The following HPD variants were observed in gnomAD, a reference collection of about 807,000 sequenced individuals.
HPD encodes the protein 4-hydroxyphenylpyruvic acid oxidase.
A neutral mutation model predicts 56.9 loss-of-function variants in HPD; 35 were observed. The ratio of observed to expected loss-of-function variants is 0.62; its 90% confidence interval spans 0.47 to 0.82. The LOEUF (loss-of-function observed/expected upper bound fraction) is 0.82, where lower values mean the gene tolerates loss of function less well. Among genes scored for constraint, HPD ranks in the 40% least tolerant of loss-of-function variants. The pLI is 0.00. For missense variants in HPD, 442 were observed against 506.8 expected (o/e 0.87, Z 1.23); for synonymous variants, 186 against 200.2 (o/e 0.93, Z 0.60).
the HPD span, among the ~76,000 whole-genome samples, chr12:121,870,856 A>G: frequency 1.3e-5 from 2 of 151,982 alleles, no homozygotes; most frequent in African/African-American, 4.8e-5. Flanking sequence ...TCGGTCTCCC[A>G]AAGTGCTGGG....
intron 11 of HPD, among the ~76,000 whole-genome samples, chr12:121,846,620 G>A (rs1347785451): frequency 1.3e-5 from 2 of 152,142 alleles, no homozygotes; most frequent in Non-Finnish European, 2.9e-5. Flanking sequence ...CCATCACCCA[G>A]GCTTCCTGAT....
chr12:121,860,230 A>G (rs1878139076), upstream of HPD, among the ~76,000 whole-genome samples: 1 of 152,134 alleles, frequency 6.6e-6, no homozygotes, highest in African/African-American at 2.4e-5. Flanking sequence ...CAGGCCCAGA[A>G]GGTTCCCATG....
chr12:121,888,403 T>G, the HPD span, among the ~76,000 whole-genome samples: 5 of 152,184 alleles, frequency 3.3e-5, no homozygotes, highest in African/African-American at 1.2e-4. Flanking sequence ...ATATCGGATC[T>G]GTAAAGTGAG....
At chr12:121,886,249 C>T in the HPD span, among the ~76,000 whole-genome samples, 1 of 151,470 alleles carries the variant, frequency 6.6e-6, no homozygotes, top group African/African-American at 2.4e-5. Flanking sequence ...GCTGGGACTA[C>T]AGGCACGTGC....
upstream of HPD, among the ~76,000 whole-genome samples, chr12:121,867,723 C>T (rs943074793): frequency 7.9e-5 from 12 of 152,062 alleles, no homozygotes; most frequent in South Asian, 8.3e-4. Context: ...CATGTTGGCT[C>T]GGCTGGTCTC....
chr12:121,867,450 G>A (rs547345597), upstream of HPD, among the ~76,000 whole-genome samples: 5 of 151,212 alleles, frequency 3.3e-5, no homozygotes, highest in Non-Finnish European at 7.4e-5. Context: ...TTTAGACAAG[G>A]TCTCACTCAT....
At chr12:121,860,272 C>T (rs1248917681), upstream of HPD, among the ~76,000 whole-genome samples, 1 of 152,164 alleles carries the variant, frequency 6.6e-6, no homozygotes, top group Admixed American at 6.6e-5. Flanking sequence ...CCTGCCTATC[C>T]CCTCCAGGCC....
chr12:121,853,288 A>G (rs1262359766), intron 7 of HPD, among the ~76,000 whole-genome samples: 3 of 152,126 alleles, frequency 2.0e-5, no homozygotes, highest in African/African-American at 4.8e-5. Context: ...GCGTTTACCT[A>G]TGTAACAAAC....
chr12:121,840,775 A>G (rs1056055981), intron 12 of HPD, among the ~76,000 whole-genome samples: 3 of 142,750 alleles, frequency 2.1e-5, no homozygotes, highest in East Asian at 4.0e-4. Context: ...AATACGGATT[A>G]AAAAAAAAAA....
chr12:121,881,761 C>T, the HPD span, among the ~76,000 whole-genome samples: 3 of 150,684 alleles, frequency 2.0e-5, no homozygotes, highest in African/African-American at 7.3e-5. Flanking sequence ...ATTCTCCTGC[C>T]TCAGCCTCCC....
At chr12:121,862,773 A>G (rs1286589727), upstream of HPD, among the ~76,000 whole-genome samples, 1 of 135,052 alleles carries the variant, frequency 7.4e-6, no homozygotes, top group Non-Finnish European at 1.5e-5. Flanking sequence ...CTCCACCTCC[A>G]AGGTTCACGC....
At chr12:121,853,977 C>G (rs1877903046) in intron 7 of HPD, among the ~76,000 whole-genome samples, 1 of 151,350 alleles carries the variant, frequency 6.6e-6, no homozygotes, top group African/African-American at 2.4e-5. Context: ...AGGCCGGGCA[C>G]AGTGGCCCAC....
At chr12:121,867,107 T>C (rs1172711599), upstream of HPD, among the ~76,000 whole-genome samples, 1 of 152,090 alleles carries the variant, frequency 6.6e-6, no homozygotes, top group African/African-American at 2.4e-5. Context: ...TCCCAGCACT[T>C]TGGGAGGCGG....
intron 7 of HPD, among the ~76,000 whole-genome samples, chr12:121,852,312 A>G (rs1877819235): frequency 6.6e-6 from 1 of 151,690 alleles, no homozygotes; most frequent in African/African-American, 2.4e-5. Context: ...GAGCCACTGC[A>G]CCTGGCCTAT....
intron 5 of HPD, 77 bp from the exon 6 acceptor site, chr12:121,856,483 G>A (rs1878002394): frequency 1.3e-6 from 2 of 1,592,802 alleles, no homozygotes; most frequent in East Asian, 2.2e-5. Flanking sequence ...CTCCATCCAG[G>A]CCCTGAACCC....
upstream of HPD, chr12:121,858,935 G>T: frequency 7.6e-7 from 1 of 1,312,680 alleles, no homozygotes; most frequent in Non-Finnish European, 1.1e-6. Context: ...CTGGGGGATG[G>T]GGTGGGGAGC....
At chr12:121,852,782 A>G (rs112575483) in intron 7 of HPD, among the ~76,000 whole-genome samples, 6,821 of 151,520 alleles carry the variant, frequency 0.045, 474 homozygotes, top group African/African-American at 0.15. Flanking sequence ...CTACAGGTGC[A>G]CACCACCATG....
intron 11 of HPD, among the ~76,000 whole-genome samples, chr12:121,844,507 G>A (rs1877510811): frequency 6.6e-6 from 1 of 151,932 alleles, no homozygotes; most frequent in South Asian, 2.1e-4. Flanking sequence ...CAGCACTTTT[G>A]GAGGCTGAGG....
At chr12:121,874,767 T>G in the HPD span, among the ~76,000 whole-genome samples, 2 of 44,468 alleles carry the variant, frequency 4.5e-5, no homozygotes, top group Non-Finnish European at 1.0e-4. Flanking sequence ...GTCACTTTCT[T>G]TTTTTTTTTT....
Sources: gnomAD v4.1 joint callset for allele counts (sites outside exome capture counted in the v4.1 genomes callset) on GRCh38, gnomAD v4.1.1 for gene constraint, MANE v1.5 for transcripts, NCBI Gene and HGNC (gene_info 2026-07-23, HGNC 2026-07-21) for gene names.